CNTN4: variants seen among roughly 807,000 people sequenced by gnomAD.
CNTN4 encodes the protein contactin-4.
Under a neutral mutation model 122.5 loss-of-function variants are expected in CNTN4, and 77 were observed. The observed-to-expected ratio is 0.63, with a 90% CI of 0.52 to 0.76. The LOEUF (loss-of-function observed/expected upper bound fraction) is 0.76, where lower values mean the gene tolerates loss of function less well. CNTN4 is among the 30% of genes least tolerant of loss of function. The probability of loss-of-function intolerance (pLI) is 0.00; values close to 1 mark genes in which losing one functional copy is unlikely to be tolerated. For synonymous variants in CNTN4, 512 were observed against 447.0 expected, an observed-to-expected ratio of 1.15 and a Z score of -1.83; for missense variants, 1,256 against 1,259.1, an observed-to-expected ratio of 1.00 and a Z score of 0.04.
rs141941353 is a variant in CNTN4 at position 2,535,019 on chromosome 3, T to C, written c.-88-36397T>C. ...GCCTTGCTTCAGCTCTAAAGGACCT[T>C]CTTTACATAATAGCAAGAATTGACT... On this transcript the variant is annotated intron_variant, in intron 3 of 24. Transcript: ENST00000418658. 8.2e-3 allele frequency among the ~76,000 whole-genome samples: 1,244 copies of C among 152,260 alleles called. 14 individuals are homozygous for C. Among genetic ancestry groups the C allele is most frequent in the African/African-American group, 0.028 (1,182 of 41,556 alleles).
rs139390055 is a variant in CNTN4, at chr3:2,701,473, G to A, written c.56-34742G>A. 5.4e-3 allele frequency among the ~76,000 whole-genome samples: 825 copies of A among 152,324 alleles called. 5 individuals are homozygous for A. Among genetic ancestry groups the A allele is most frequent in the African/African-American group, 0.018 (753 of 41,570 alleles). The stretch of plus-strand genomic sequence containing the variant: ...TTTCCCCCCAGCGTGGGGTATCATA[G>A]ATGAAAGGGCGTTTGAGCTGCAATT... On this transcript the variant is annotated intron_variant, in intron 4 of 24. Coordinates refer to ENST00000418658, the MANE Select transcript of CNTN4 (RefSeq NM_175607.3).
At chr3:2,167,243 T>TG (rs2036235676) in intron 2 of CNTN4, among the ~76,000 whole-genome samples, 1 of 152,178 alleles carries the variant, frequency 6.6e-6, no homozygotes, top group South Asian at 2.1e-4. Flanking sequence ...TATCTGCAGC[T>TG]CTTGGCATGA....
At chr3:2,335,342 T>G (rs2043906411) in intron 2 of CNTN4, among the ~76,000 whole-genome samples, 1 of 152,112 alleles carries the variant, frequency 6.6e-6, no homozygotes, top group South Asian at 2.1e-4. Context: ...TTCTGCATAG[T>G]ATGAACTGGG....
chr3:2,530,517 C>A (rs1575869681), intron 3 of CNTN4, among the ~76,000 whole-genome samples: 1 of 151,970 alleles, frequency 6.6e-6, no homozygotes, highest in Non-Finnish European at 1.5e-5. Flanking sequence ...ACCATGTTGG[C>A]CAGGATGGTC....
In CNTN4 at chr3:2,396,954, G is replaced by A. The variant is rs1053534838; in HGVS notation, c.-89+57721G>A. 6.6e-5 allele frequency among the ~76,000 whole-genome samples: 10 copies of A among 152,272 alleles called. No individual in the cohort carries two copies. In the East Asian group the frequency reaches 1.7e-3, roughly 26 times the overall value. On this transcript the variant is annotated intron_variant, in intron 3 of 24. Transcript: ENST00000418658. ...ACAAACTTCTGAAATAAAATACAAAGTAAAGGATATTTTTGTGTGTGACGA... is the reference window on the plus strand; with the variant it reads ...ACAAACTTCTGAAATAAAATACAAAATAAAGGATATTTTTGTGTGTGACGA...
chr3:2,340,522 A>C (rs1333342622), intron 3 of CNTN4, among the ~76,000 whole-genome samples: 82 of 151,066 alleles, frequency 5.4e-4, no homozygotes, highest in Non-Finnish European at 8.8e-5. Flanking sequence ...TCTATGAAAA[A>C]CAGGAAAATT....
At chr3:2,985,911 A>C (rs1026627771) in intron 13 of CNTN4, among the ~76,000 whole-genome samples, 1 of 144,722 alleles carries the variant, frequency 6.9e-6, no homozygotes, top group Non-Finnish European at 1.5e-5. Flanking sequence ...ATAAGAGAAT[A>C]CTTTTTTTTT....
chr3:2,570,374 G>A (rs1015565507), intron 3 of CNTN4, among the ~76,000 whole-genome samples: 1 of 151,766 alleles, frequency 6.6e-6, no homozygotes, highest in Non-Finnish European at 1.5e-5. Context: ...TGGGGGTCTC[G>A]CTATGTTGCC....
At chr3:2,731,625 A>T (rs925893281) in intron 4 of CNTN4, among the ~76,000 whole-genome samples, 1 of 152,192 alleles carries the variant, frequency 6.6e-6, no homozygotes, top group African/African-American at 2.4e-5. Context: ...AGAAGGGTGG[A>T]AAATCATTGC....
chr3:3,050,205 T>A (rs1338952072), intron 23 of CNTN4, among the ~76,000 whole-genome samples: 6 of 152,158 alleles, frequency 3.9e-5, no homozygotes, highest in African/African-American at 1.4e-4. Flanking sequence ...TAGCAACCAG[T>A]GTGGCCATAT....
intron 2 of CNTN4, among the ~76,000 whole-genome samples, chr3:2,255,375 A>G (rs1053911838): frequency 2.6e-5 from 4 of 152,204 alleles, no homozygotes; most frequent in Non-Finnish European, 2.9e-5. Context: ...AGACAGATCA[A>G]TGAGACAGAA....
At chr3:2,598,420 C>G (rs1282380067) in intron 4 of CNTN4, among the ~76,000 whole-genome samples, 4 of 152,098 alleles carry the variant, frequency 2.6e-5, no homozygotes, top group Admixed American at 2.6e-4. Flanking sequence ...TCAAAGCAAA[C>G]TCTCCCTCTC....
intron 2 of CNTN4, among the ~76,000 whole-genome samples, chr3:2,106,476 A>C (rs2032452124): frequency 6.6e-6 from 1 of 152,184 alleles, no homozygotes; most frequent in East Asian, 1.9e-4. Flanking sequence ...CAGGACGAAC[A>C]CCATGTGGAA....
chr3:2,260,447 C>A (rs2040787223), intron 2 of CNTN4, among the ~76,000 whole-genome samples: 1 of 151,730 alleles, frequency 6.6e-6, no homozygotes, highest in African/African-American at 2.4e-5. Context: ...AGACAATTTT[C>A]CAATTCAAGG....
At position 2,385,078 on chromosome 3, in the gene CNTN4, A is replaced by G. The variant is rs2046195927; in HGVS notation, c.-89+45845A>G. Among the ~76,000 whole-genome samples, 1 of 152,116 alleles carries G rather than the reference A, an allele frequency of 6.6e-6. No homozygotes were observed. The highest frequency in any genetic ancestry group is 1.5e-5 in the Non-Finnish European group (1 of 68,030). On this transcript the variant is annotated intron_variant, in intron 3 of 24. Coordinates refer to ENST00000418658, the MANE Select transcript of CNTN4 (RefSeq NM_175607.3). The surrounding 1 kb of genome is among the most constrained non-coding windows in gnomAD (Gnocchi z 4.0). ...TAACTGGTCTATTCTGGTATTACCCAGAACAAATAAATTACATTGCTGATA... is the reference window on the plus strand; with the variant it reads ...TAACTGGTCTATTCTGGTATTACCCGGAACAAATAAATTACATTGCTGATA...
intron 7 of CNTN4, among the ~76,000 whole-genome samples, chr3:2,826,156 A>G (rs2092983849): frequency 6.6e-6 from 1 of 152,166 alleles, no homozygotes; most frequent in Non-Finnish European, 1.5e-5. Flanking sequence ...TTTTATTTGT[A>G]TATAGCAGAA....
chr3:2,369,677 A>T (rs959957413), intron 3 of CNTN4, among the ~76,000 whole-genome samples: 1 of 152,076 alleles, frequency 6.6e-6, no homozygotes, highest in African/African-American at 2.4e-5. Context: ...CCTGCTTGGA[A>T]ATTGGAAATA....
chr3:2,296,590 G>C (rs1158732815), intron 2 of CNTN4, among the ~76,000 whole-genome samples: 1 of 152,112 alleles, frequency 6.6e-6, no homozygotes, highest in Non-Finnish European at 1.5e-5. Context: ...TGGGAAGAAT[G>C]ATTTGTCTCA....
chr3:2,162,179 T>C (rs2035992343), intron 2 of CNTN4, among the ~76,000 whole-genome samples: 3 of 152,224 alleles, frequency 2.0e-5, no homozygotes, highest in Admixed American at 6.5e-5. Flanking sequence ...TTTCAGCGCA[T>C]TATGATTTCA....
Sources: gnomAD v4.1 joint callset for allele counts (sites outside exome capture counted in the v4.1 genomes callset) on GRCh38, gnomAD v4.1.1 for gene constraint, Gnocchi (gnomAD v3.1) non-coding constraint, MANE v1.5 for transcripts, NCBI Gene and HGNC (gene_info 2026-07-23, HGNC 2026-07-21) for gene names.